DGKZ: variants seen among roughly 807,000 people sequenced by gnomAD.
The protein encoded by DGKZ is diacylglycerol kinase zeta.
In DGKZ, 45 loss-of-function variants were observed where a neutral mutation model predicts 142.5. The observed-to-expected ratio is 0.32, with a 90% CI of 0.25 to 0.40. The LOEUF is 0.40. Among genes scored for constraint, DGKZ ranks in the 10% least tolerant of loss-of-function variants. The pLI, the probability that DGKZ is intolerant of heterozygous loss-of-function variation, is 1.00. For synonymous variants in DGKZ, 442 were observed against 527.0 expected (o/e 0.84, Z 2.21); for missense variants, 755 against 1,306.5 (o/e 0.58, Z 6.51).
At chr11:46,377,991 C>T in intron 25 of DGKZ, 1 of 634,084 alleles carries the variant, frequency 1.6e-6, no homozygotes, top group Non-Finnish European at 2.8e-6. Context: ...TTGTTTGTAT[C>T]CCTGAACTAG....
intron 1 of DGKZ, among the ~76,000 whole-genome samples, chr11:46,351,501 A>G (rs960152187): frequency 6.6e-6 from 1 of 152,232 alleles, no homozygotes; most frequent in African/African-American, 2.4e-5. Context: ...GAGCAGAAGC[A>G]GCCCCTGTTT....
At chr11:46,348,571 G>A (rs1032167292) in intron 1 of DGKZ, among the ~76,000 whole-genome samples, 1 of 152,090 alleles carries the variant, frequency 6.6e-6, no homozygotes, top group Non-Finnish European at 1.5e-5. Flanking sequence ...GGCTGTTCAA[G>A]CTTCATCTTG....
At chr11:46,373,168 GCTGGTT>G (rs1944151538) in intron 14 of DGKZ, 67 bp downstream of exon 14, 1 of 1,481,060 alleles carries the variant, frequency 6.8e-7, no homozygotes, top group East Asian at 2.5e-5. Context: ...TTTTCCACTT[GCTGGTT>G]CTGGGACCTC....
chr11:46,336,340 G>A (rs1165708630), intron 1 of DGKZ, among the ~76,000 whole-genome samples: 1 of 152,208 alleles, frequency 6.6e-6, no homozygotes, highest in Non-Finnish European at 1.5e-5. Context: ...GAGGGGGGAA[G>A]GGCAAGAAGG....
rs577704229 is a variant in DGKZ, at chr11:46,377,099, C to T, written c.2229C>T (p.Ile743=). 1.1e-4 allele frequency: 178 copies of T among 1,613,514 alleles called. 2 individuals carry two copies. Among genetic ancestry groups the T allele is most frequent in the East Asian group, 4.5e-5 (2 of 44,878 alleles). ...AGCACCTCAACTATGTGACTGAGAT[C>T]GCACAGGATGAGATTTATATCCTGG... The change falls in exon 25 of 31, where the codon ATC becomes ATT. Residue 743 remains isoleucine (I), a synonymous_variant. Transcript: ENST00000527911.
intron 1 of DGKZ, chr11:46,366,459 A>G (rs1002693227): frequency 1.3e-6 from 2 of 1,559,716 alleles, no homozygotes; most frequent in Non-Finnish European, 1.7e-6. Flanking sequence ...GTGAGGGCCC[A>G]GGGTTCCAGC....
intron 1 of DGKZ, among the ~76,000 whole-genome samples, chr11:46,360,679 G>A (rs1271584125): frequency 1.3e-5 from 2 of 152,082 alleles, no homozygotes; most frequent in Admixed American, 6.6e-5. Flanking sequence ...CCAGCTACTC[G>A]GGAAGCTGGG....
At chr11:46,335,173 G>A (rs1939953906) in intron 1 of DGKZ, among the ~76,000 whole-genome samples, 1 of 152,072 alleles carries the variant, frequency 6.6e-6, no homozygotes, top group Non-Finnish European at 1.5e-5. Context: ...AATTAACCAG[G>A]TGTGGTGGCA....
intron 9 of DGKZ, 146 bp from the exon 10 acceptor site, chr11:46,371,929 T>A: frequency 1.6e-6 from 2 of 1,229,328 alleles, no homozygotes; most frequent in Non-Finnish European, 2.3e-6. Flanking sequence ...GATGCCAGTT[T>A]CTGCTCTGTG....
At chr11:46,374,339 C>A in intron 15 of DGKZ, 60 bp from the exon 16 acceptor site, 1 of 1,613,094 alleles carries the variant, frequency 6.2e-7, no homozygotes. Context: ...CAGCCCTCCC[C>A]CAACCCCACC....
At chr11:46,352,546 A>C (rs919202186) in intron 1 of DGKZ, among the ~76,000 whole-genome samples, 3 of 152,010 alleles carry the variant, frequency 2.0e-5, no homozygotes, top group Non-Finnish European at 4.4e-5. Flanking sequence ...AAGTTCTCGC[A>C]GCTAGCCGGG....
In DGKZ at chr11:46,364,294, A is replaced by T. The variant is rs1428294553; in HGVS notation, c.162-2997A>T. On this transcript the variant is annotated intron_variant, in intron 1 of 30. Coordinates refer to ENST00000527911, the Ensembl canonical transcript of DGKZ. Reference sequence around the variant, plus strand: ...AGGAATGCAGTGTGATGCAGTACCTATTCCTTGGGGTTGCAGTTTATGAAA... The same window carrying T: ...AGGAATGCAGTGTGATGCAGTACCTTTTCCTTGGGGTTGCAGTTTATGAAA... 5.3e-6 allele frequency: 6 copies of T among 1,135,688 alleles called. No homozygotes were observed. The Admixed American group carries it at 1.4e-4, about 26-fold the overall frequency. 70.4% of individuals were successfully genotyped at this position (1,135,688 alleles called of 1,614,324 possible). A position where few individuals can be genotyped will look rare whatever the true frequency, so the allele number is the denominator to read the frequency against.
chr11:46,356,695 G>A (rs1942058566), intron 1 of DGKZ, among the ~76,000 whole-genome samples: 1 of 152,080 alleles, frequency 6.6e-6, no homozygotes, highest in Non-Finnish European at 1.5e-5. Context: ...GGGGTCGAGG[G>A]TATGTGCCAT....
intron 1 of DGKZ, among the ~76,000 whole-genome samples, chr11:46,359,197 C>G (rs765825837): frequency 1.5e-4 from 23 of 150,534 alleles, no homozygotes; most frequent in Non-Finnish European, 2.8e-4. Flanking sequence ...AATCCCAGCA[C>G]TTTGGGAGGC....
At chr11:46,357,632 G>A (rs761188673) in intron 1 of DGKZ, among the ~76,000 whole-genome samples, 4 of 152,268 alleles carry the variant, frequency 2.6e-5, no homozygotes, top group Non-Finnish European at 5.9e-5. Context: ...TCACTGCCAG[G>A]CACCATGCCG....
In DGKZ at chr11:46,366,930, A is replaced by C. The variant is rs942435845; in HGVS notation, c.162-361A>C. On this transcript the variant is annotated intron_variant, in intron 1 of 30. Coordinates refer to ENST00000527911, the Ensembl canonical transcript of DGKZ. ...GTGCGCCCACTGTCCCGCAGGCGCCAGGTAGCCCTACGGCGCAAGGCGGCC... is the reference window on the plus strand; with the variant it reads ...GTGCGCCCACTGTCCCGCAGGCGCCCGGTAGCCCTACGGCGCAAGGCGGCC... 25 of 1,542,478 alleles carry C rather than the reference A, an allele frequency of 1.6e-5. No homozygotes were observed. The highest frequency in any genetic ancestry group is 2.0e-5 in the Non-Finnish European group (23 of 1,151,100).
chr11:46,376,884 A>T, intron 24 of DGKZ, 189 bp from the exon 25 acceptor site: 1 of 650,082 alleles, frequency 1.5e-6, no homozygotes, highest in Non-Finnish European at 2.7e-6. Flanking sequence ...CACCTGGTAA[A>T]GTCTGGGCAG....
intron 4 of DGKZ, 127 bp from the exon 5 acceptor site, chr11:46,369,367 T>A (rs1943690775): frequency 2.8e-6 from 3 of 1,080,874 alleles, no homozygotes; most frequent in Non-Finnish European, 4.2e-6. Context: ...TTTCAAGGAC[T>A]CTCGTGACGA....
chr11:46,358,759 T>C (rs1181239069), intron 1 of DGKZ, among the ~76,000 whole-genome samples: 1 of 152,250 alleles, frequency 6.6e-6, no homozygotes, highest in Non-Finnish European at 1.5e-5. Context: ...GGAAACCTTT[T>C]ATTCACTTCC....
Sources: gnomAD v4.1 joint callset for allele counts (sites outside exome capture counted in the v4.1 genomes callset) on GRCh38, gnomAD v4.1.1 for gene constraint, MANE v1.5 for transcripts, NCBI Gene and HGNC (gene_info 2026-07-23, HGNC 2026-07-21) for gene names.